The following MYH8 variants were observed in gnomAD, a reference collection of about 807,000 sequenced individuals.
MYH8 encodes the protein myosin heavy chain 8, also known as myosin-8.
Under a neutral mutation model 233.2 loss-of-function variants are expected in MYH8, and 168 were observed. That is an observed-to-expected ratio of 0.72 (90% CI 0.64 to 0.82). The LOEUF is 0.82. Among genes scored for constraint, MYH8 ranks in the 40% least tolerant of loss-of-function variants. MYH8 has a pLI of 0.00. For synonymous variants in MYH8, 785 were observed against 850.6 expected, an observed-to-expected ratio of 0.92 and a Z score of 1.34; for missense variants, 1,995 against 2,327.8, an observed-to-expected ratio of 0.86 and a Z score of 2.94.
chr17:10,399,709 C>T, intron 27 of MYH8, 40 bp from the exon 28 acceptor site: 1 of 1,612,202 alleles, frequency 6.2e-7, no homozygotes. Context: ...ACATTGAATG[C>T]AATAAAAAGG....
intron 2 of MYH8, among the ~76,000 whole-genome samples, chr17:10,421,003 C>G (rs1229210856): frequency 6.6e-6 from 1 of 152,086 alleles, no homozygotes; most frequent in Non-Finnish European, 1.5e-5. Flanking sequence ...TCTTTCCACC[C>G]AGAAAACAGA....
rs1456068684 is a variant in MYH8 at position 10,417,374 on chromosome 17, G to A, written c.511+1271C>T. On this transcript the variant is annotated intron_variant, in intron 5 of 39. Coordinates refer to ENST00000403437, the MANE Select transcript of MYH8 (RefSeq NM_002472.3). The surrounding 1 kb of genome is among the most constrained non-coding windows in gnomAD (Gnocchi z 4.1). Reference sequence around the variant, plus strand: ...AAACTTTAGCCTTCTCTTCAGGGAAGTCGATGCAGATTTTGCATCCTATTC... The same window carrying A: ...AAACTTTAGCCTTCTCTTCAGGGAAATCGATGCAGATTTTGCATCCTATTC... Among the ~76,000 whole-genome samples the A allele has an allele frequency of 6.6e-6, 1 of 152,234 alleles. No individual in the cohort carries two copies. The highest frequency in any genetic ancestry group is 1.9e-4 in the East Asian group (1 of 5,202).
At chr17:10,401,020 G>T (rs551550445) in intron 25 of MYH8, 26 bp downstream of exon 25, 13 of 1,613,812 alleles carry the variant, frequency 8.1e-6, no homozygotes, top group Non-Finnish European at 1.1e-5. Context: ...ATATCACATA[G>T]AAGTTTTTTT....
At chr17:10,406,633 A>C in intron 19 of MYH8, 57 bp downstream of exon 19, 2 of 1,511,664 alleles carry the variant, frequency 1.3e-6, no homozygotes, top group Non-Finnish European at 1.8e-6. Context: ...TCGACTTCTT[A>C]ATTTTTTAAT....
At position 10,405,071 on chromosome 17, in the gene MYH8, G is replaced by C. The variant is rs9902129; in HGVS notation, c.2433-486C>G. 8.7e-3 allele frequency among the ~76,000 whole-genome samples: 1,324 copies of C among 152,246 alleles called. 19 individuals carry two copies. The highest frequency in any genetic ancestry group is 0.031 in the African/African-American group (1,273 of 41,548). On this transcript the variant is annotated intron_variant, in intron 21 of 39. Coordinates refer to ENST00000403437, the MANE Select transcript of MYH8 (RefSeq NM_002472.3). ...CCCACCTAAACTGAGCGAATGATTT[G>C]TCATCTCTTCCTTGAAGTTGCTCCT...
At chr17:10,404,663 C>G in intron 21 of MYH8, 78 bp from the exon 22 acceptor site, 1 of 1,559,070 alleles carries the variant, frequency 6.4e-7, no homozygotes, top group Non-Finnish European at 8.8e-7. Flanking sequence ...CACAAATTTC[C>G]CTTTTAATGA....
Position 10,392,900 on chromosome 17 carries a change from A to T in MYH8, c.5394T>A (p.His1798Gln), listed in dbSNP as rs749599374. ...CCAGCTGCTCGGCCTCATCTAGACGATGCTGCAGGTCCTTCACCGTCTGCT... is the reference window on the plus strand; with the variant it reads ...CCAGCTGCTCGGCCTCATCTAGACGTTGCTGCAGGTCCTTCACCGTCTGCT... ...NLEQTVKDLQ[H>Q]RLDEAEQLAL... Residue 1798 changes from histidine to glutamine, a missense_variant, in exon 37 of 40, where the codon CAT (histidine) becomes CAA (glutamine). Physicochemically the swap from His to Gln is conservative, Grantham distance 24. This residue lies in a region of MYH8 where 1,498 missense variants were observed against 1,680.9 expected (regional missense o/e 0.89). Coordinates refer to ENST00000403437, the MANE Select transcript of MYH8 (RefSeq NM_002472.3). 1 of 1,614,108 alleles carries T rather than the reference A, an allele frequency of 6.2e-7. No individual in the cohort carries two copies. Among genetic ancestry groups the T allele is most frequent in the Non-Finnish European group, 8.5e-7 (1 of 1,179,994 alleles).
rs140525529 is a variant in MYH8 at position 10,394,309 on chromosome 17, C to A, written c.5106G>T (p.Arg1702Ser). The A allele has an allele frequency of 3.4e-5, 55 of 1,613,994 alleles. No homozygotes were observed. Among genetic ancestry groups the A allele is most frequent in the Non-Finnish European group, 4.3e-5 (51 of 1,180,042 alleles). The change falls in exon 35 of 40, where the codon AGG (arginine) becomes AGT (serine). Residue 1702 changes from arginine to serine, a missense_variant. By Grantham distance (110) the Arg-to-Ser change is moderately radical. Transcript: ENST00000403437. ...WATLEQTERS[R>S]KIAEQELLDA... ...CCAGGAGCTCCTGTTCGGCGATTTTCCTGCTTCTCTCTGTCTGTTCCAGAG... is the reference window on the plus strand; with the variant it reads ...CCAGGAGCTCCTGTTCGGCGATTTTACTGCTTCTCTCTGTCTGTTCCAGAG...
chr17:10,399,162 A>G (rs2072109783), intron 28 of MYH8, among the ~76,000 whole-genome samples: 1 of 151,898 alleles, frequency 6.6e-6, no homozygotes, highest in Non-Finnish European at 1.5e-5. Flanking sequence ...TGCTGCAGTG[A>G]GCATTTCCTT....
At chr17:10,393,971 T>C (rs1033769569) in intron 35 of MYH8, among the ~76,000 whole-genome samples, 5 of 149,920 alleles carry the variant, frequency 3.3e-5, no homozygotes, top group African/African-American at 1.2e-4. Context: ...AAATCTTATT[T>C]TTAAATAAAA....
intron 14 of MYH8, among the ~76,000 whole-genome samples, chr17:10,411,598 A>G (rs2072245453): frequency 6.6e-6 from 1 of 152,100 alleles, no homozygotes; most frequent in South Asian, 2.1e-4. Flanking sequence ...GGAAATTCTC[A>G]CTTCTTTCAC....
At chr17:10,393,060 T>C (rs1211041679) in intron 36 of MYH8, 25 bp downstream of exon 36, 1 of 1,614,132 alleles carries the variant, frequency 6.2e-7, no homozygotes, top group East Asian at 2.2e-5. Flanking sequence ...TGCATACGTG[T>C]CAGTAGGCCA....
chr17:10,398,400 C>T, intron 30 of MYH8, 44 bp downstream of exon 30: 1 of 1,613,742 alleles, frequency 6.2e-7, no homozygotes, highest in Non-Finnish European at 8.5e-7. Flanking sequence ...ATAAATATCA[C>T]AGCTGCTTCT....
intron 22 of MYH8, among the ~76,000 whole-genome samples, chr17:10,403,594 T>C (rs2072161330): frequency 6.6e-6 from 1 of 152,134 alleles, no homozygotes; most frequent in African/African-American, 2.4e-5. Flanking sequence ...TCCTGTGCTT[T>C]TGGAAAAATG....
Position 10,410,836 on chromosome 17 carries a change from C to T in MYH8, c.1528G>A (p.Glu510Lys), listed in dbSNP as rs377600500. 29 of 1,613,960 alleles carry T rather than the reference C, an allele frequency of 1.8e-5. No homozygotes were observed. Among genetic ancestry groups the T allele is most frequent in the East Asian group, 2.2e-5 (1 of 44,872 alleles). Reference protein sequence around the residue: ...EQEEYKKEGIEWTFIDFGMDL... With the variant: ...EQEEYKKEGIKWTFIDFGMDL... ...ATCCCAAAGTCAATGAACGTCCACTCGATGCCTTCCTTCTTGTACTCCTCC... is the reference window on the plus strand; with the variant it reads ...ATCCCAAAGTCAATGAACGTCCACTTGATGCCTTCCTTCTTGTACTCCTCC... The change falls in exon 15 of 40, where the codon GAG becomes AAG. Residue 510 changes from glutamate (E) to lysine (K), a missense_variant. Glu to Lys is a moderately conservative substitution (Grantham distance 56). Transcript: ENST00000403437.
intron 22 of MYH8, among the ~76,000 whole-genome samples, chr17:10,403,702 T>C (rs1042774873): frequency 6.6e-6 from 1 of 152,182 alleles, no homozygotes; most frequent in African/African-American, 2.4e-5. Flanking sequence ...TATGATATTG[T>C]TAGGTTTGCT....
At chr17:10,418,524 A>C (rs750900427) in intron 5 of MYH8, 121 bp downstream of exon 5, 73 of 1,574,612 alleles carry the variant, frequency 4.6e-5, no homozygotes, top group Admixed American at 1.7e-5. Context: ...TTTTTTGAAA[A>C]CAGTGAAGCC....
At chr17:10,421,106 G>C (rs780679201) in intron 2 of MYH8, among the ~76,000 whole-genome samples, 25 of 152,152 alleles carry the variant, frequency 1.6e-4, no homozygotes, top group Non-Finnish European at 2.8e-4. Flanking sequence ...TAGATTGGTT[G>C]AGTTTTTCCT....
Position 10,419,886 on chromosome 17 carries a change from A to G in MYH8, c.210+132T>C, listed in dbSNP as rs1567691217. The G allele has an allele frequency of 9.7e-7, 1 of 1,027,634 alleles. No individual in the cohort carries two copies. The highest frequency in any genetic ancestry group is 1.7e-5 in the Admixed American group (1 of 57,904). 63.7% of individuals were successfully genotyped at this position (1,027,634 alleles called of 1,614,324 possible). A position where few individuals can be genotyped will look rare whatever the true frequency, so the allele number is the denominator to read the frequency against. On this transcript the variant is annotated intron_variant, in intron 3 of 39. Transcript: ENST00000403437. The surrounding 1 kb of genome is among the most constrained non-coding windows in gnomAD (Gnocchi z 4.0). ...CTGCTGTGAATTTCTTTTGCCTTCC[A>G]CATCTAATGTCTCAACACTGACTAG...
Sources: allele counts gnomAD v4.1 joint callset (sites outside exome capture counted in the v4.1 genomes callset), GRCh38; gene constraint gnomAD v4.1.1; regional missense constraint gnomAD v4.1.1; non-coding constraint Gnocchi (gnomAD v3.1); transcripts MANE v1.5; gene names NCBI Gene and HGNC (gene_info 2026-07-23, HGNC 2026-07-21).